Variants in DYNC2H1 observed in about 807,000 individuals in gnomAD.
DYNC2H1 encodes the protein cytoplasmic dynein 2 heavy chain 1.
DYNC2H1 carries 410 observed loss-of-function variants against 570.0 expected under a neutral mutation model. The observed-to-expected ratio is 0.72, with a 90% CI of 0.66 to 0.78. The LOEUF (loss-of-function observed/expected upper bound fraction) is 0.78. Ranked by LOEUF, DYNC2H1 falls within the 30% of genes least tolerant of loss-of-function variation. The pLI is 0.00. For synonymous variants in DYNC2H1, 1,688 were observed against 1,677.6 expected, an observed-to-expected ratio of 1.01 and a Z score of -0.15; for missense variants, 4,865 against 5,046.4, an observed-to-expected ratio of 0.96 and a Z score of 1.09.
In DYNC2H1 at chr11:103,249,698, A is replaced by G. The variant is rs574245106; in HGVS notation, c.10043-3587A>G. ...ACATAAATCATTTCATAAAACACCA[A>G]CATCAGAGAGGTCACTCTGACTGCA... On this transcript the variant is annotated intron_variant, in intron 65 of 88. Coordinates refer to ENST00000375735, the MANE Select transcript of DYNC2H1 (RefSeq NM_001377.3). The surrounding 1 kb of genome is among the most constrained non-coding windows in gnomAD (Gnocchi z 4.6). 7.9e-5 allele frequency among the ~76,000 whole-genome samples: 12 copies of G among 152,152 alleles called. No individual in the cohort carries two copies. In the South Asian group the frequency reaches 1.2e-3, roughly 16 times the overall value.
intron 31 of DYNC2H1, among the ~76,000 whole-genome samples, chr11:103,168,252 G>A (rs375392167): frequency 6.6e-6 from 1 of 152,286 alleles, no homozygotes; most frequent in African/African-American, 2.4e-5. Flanking sequence ...CTGAGCTAGA[G>A]GTGGTTTTCT....
At chr11:103,263,047 GC>G (rs1865371794) in intron 70 of DYNC2H1, among the ~76,000 whole-genome samples, 1 of 70,052 alleles carries the variant, frequency 1.4e-5, no homozygotes, top group African/African-American at 7.8e-5. Flanking sequence ...AAAAAAAAAA[GC>G]AGGGTTTGCA....
chr11:103,218,712 G>A (rs1372346100), intron 55 of DYNC2H1, among the ~76,000 whole-genome samples: 4 of 152,156 alleles, frequency 2.6e-5, no homozygotes, highest in Admixed American at 6.6e-5. Flanking sequence ...AATACACATT[G>A]AGTATCTGCT....
chr11:103,154,918 T>C (rs1860743323), intron 24 of DYNC2H1, 109 bp downstream of exon 24: 1 of 817,638 alleles, frequency 1.2e-6, no homozygotes, highest in Admixed American at 3.7e-5. Context: ...ATTAAATTAT[T>C]CCGTTTGATG....
At chr11:103,394,920 A>C (rs1271119383) in intron 83 of DYNC2H1, among the ~76,000 whole-genome samples, 1 of 151,968 alleles carries the variant, frequency 6.6e-6, no homozygotes, top group African/African-American at 2.4e-5. Flanking sequence ...GAAATTCTAT[A>C]ATCTTTGAAT....
chr11:103,394,807 A>G (rs1422011056), intron 83 of DYNC2H1, among the ~76,000 whole-genome samples: 1 of 151,936 alleles, frequency 6.6e-6, no homozygotes, highest in Non-Finnish European at 1.5e-5. Context: ...GTATGACTAT[A>G]GTTGTTACTA....
chr11:103,332,309 TGG>T (rs1422668046), intron 82 of DYNC2H1, among the ~76,000 whole-genome samples: 1 of 74,556 alleles, frequency 1.3e-5, no homozygotes, highest in South Asian at 4.3e-4. Flanking sequence ...AGAAAAAAAC[TGG>T]GAAAAAAAAA....
intron 84 of DYNC2H1, chr11:103,406,452 A>T (rs577147348): frequency 6.6e-6 from 1 of 152,038 alleles, no homozygotes; most frequent in South Asian, 2.1e-4. Flanking sequence ...TAAATTCTTG[A>T]ATGATGGCTC....
At chr11:103,191,706 G>A in intron 46 of DYNC2H1, 87 bp downstream of exon 46, 1 of 579,318 alleles carries the variant, frequency 1.7e-6, no homozygotes, top group African/African-American at 1.9e-5. Context: ...TAAGTTAAAT[G>A]CGTATTATAT....
chr11:103,337,074 A>T (rs2135475407), intron 82 of DYNC2H1, among the ~76,000 whole-genome samples: 2 of 152,316 alleles, frequency 1.3e-5, no homozygotes, highest in East Asian at 3.9e-4. Flanking sequence ...CAGGGCAGAA[A>T]ATGGCTTAAA....
At chr11:103,340,156 T>G (rs1214904829) in intron 82 of DYNC2H1, among the ~76,000 whole-genome samples, 1 of 152,236 alleles carries the variant, frequency 6.6e-6, no homozygotes, top group Non-Finnish European at 1.5e-5. Context: ...TTTTTTGTTT[T>G]TAAAATAGTG....
At chr11:103,414,838 C>A (rs1943219937) in intron 84 of DYNC2H1, among the ~76,000 whole-genome samples, 2 of 152,058 alleles carry the variant, frequency 1.3e-5, no homozygotes, top group Admixed American at 1.3e-4. Context: ...TGTGAAGGAC[C>A]ACTTCAAGAA....
Position 103,284,290 on chromosome 11 carries a change from T to G in DYNC2H1, c.10890+1205T>G, listed in dbSNP as rs146156022. 3.0e-4 allele frequency among the ~76,000 whole-genome samples: 45 copies of G among 152,302 alleles called. No homozygotes were observed. In the East Asian group the frequency reaches 6.2e-3, roughly 21 times the overall value. On this transcript the variant is annotated intron_variant, in intron 73 of 88. Transcript: ENST00000375735. ...CTATGCTATATTCAAAATTGAGCCC[T>G]GCTCTGTACTGAAGTCTCTTTTCGC...
At position 103,204,426 on chromosome 11, in the gene DYNC2H1, T is replaced by C. The variant is rs1452681349; in HGVS notation, c.8312-396T>C. On this transcript the variant is annotated intron_variant, in intron 51 of 88. Transcript: ENST00000375735. This position sits in a 1 kb window ranked among gnomAD's most constrained non-coding sequence, Gnocchi z 4.1. ...TGTGGTGAAATTAGTGCTGCTTTAG[T>C]ACCTCCTGTCTTAAAGAACTATTGA... Among the ~76,000 whole-genome samples the C allele has an allele frequency of 6.6e-6, 1 of 152,218 alleles. No individual in the cohort carries two copies. The highest frequency in any genetic ancestry group is 1.5e-5 in the Non-Finnish European group (1 of 68,036).
chr11:103,152,158 C>T lies in DYNC2H1; in HGVS notation c.2969C>T (p.Ala990Val), dbSNP rs1349337828. The stretch of plus-strand genomic sequence containing the variant: ...TAGATTTTGCCCTTATTTCAAGAAG[C>T]TGAAGACAAAAACAGACTTTTACGA... The part of the protein sequence containing the change: ...KPEILPLFQE[A>V]EDKNRLLRTV... The change falls in exon 21 of 89, where the codon GCT becomes GTT. Residue 990 changes from alanine to valine, a missense_variant. Ala to Val is a moderately conservative substitution (Grantham distance 64, BLOSUM62 0). Transcript: ENST00000375735. 3.1e-6 allele frequency: 5 copies of T among 1,596,436 alleles called. No individual in the cohort carries two copies. The African/African-American group carries it at 6.9e-5, about 22-fold the overall frequency.
rs1858782792 is a variant in DYNC2H1, at chr11:103,122,721, G to C, written c.1486-104G>C. 8.2e-6 allele frequency: 8 copies of C among 976,964 alleles called. No individual in the cohort carries two copies. The South Asian group carries it at 1.3e-4, about 16-fold the overall frequency. The allele number at this position is 976,964 out of a possible 1,614,324, so 60.5% of individuals were successfully genotyped here. On this transcript the variant is annotated intron_variant, in intron 10 of 88. Coordinates refer to ENST00000375735, the MANE Select transcript of DYNC2H1 (RefSeq NM_001377.3). Reference sequence around the variant, plus strand: ...CCGTTTCACTGTTTATAGATGAAAGGTAAAATAATTTCTGAATCACAGATC... The same window carrying C: ...CCGTTTCACTGTTTATAGATGAAAGCTAAAATAATTTCTGAATCACAGATC...
At position 103,220,861 on chromosome 11, in the gene DYNC2H1, A is replaced by G. The variant is rs902551802; in HGVS notation, c.9107+78A>G. 2.2e-6 allele frequency: 3 copies of G among 1,392,628 alleles called. No homozygotes were observed. In the Admixed American group the frequency reaches 7.1e-5, roughly 33 times the overall value. The allele number at this position is 1,392,628 out of a possible 1,614,324, so 86.3% of individuals were successfully genotyped here. On this transcript the variant is annotated intron_variant, in intron 57 of 88. Coordinates refer to ENST00000375735, the MANE Select transcript of DYNC2H1 (RefSeq NM_001377.3). The stretch of plus-strand genomic sequence containing the variant: ...TTTCGTAGTTTTAAATATTTCTTAT[A>G]TTGTTTTTCAAAATGCACTTCATCT...
chr11:103,443,083 TAAA>T (rs1044514428), intron 85 of DYNC2H1, among the ~76,000 whole-genome samples: 3 of 151,984 alleles, frequency 2.0e-5, no homozygotes, highest in Non-Finnish European at 2.9e-5. Flanking sequence ...TTATTTTTGG[TAAA>T]GAAGAAGAAA....
chr11:103,381,168 G>A (rs1941628610), intron 83 of DYNC2H1, among the ~76,000 whole-genome samples: 1 of 152,184 alleles, frequency 6.6e-6, no homozygotes, highest in Non-Finnish European at 1.5e-5. Context: ...TGTTCTAAGA[G>A]CAAGGTGGGT....
Sources: gnomAD v4.1 joint callset for allele counts (sites outside exome capture counted in the v4.1 genomes callset) on GRCh38, gnomAD v4.1.1 for gene constraint, Gnocchi (gnomAD v3.1) non-coding constraint, MANE v1.5 for transcripts, NCBI Gene and HGNC (gene_info 2026-07-23, HGNC 2026-07-21) for gene names.